The following LRP1B variants were observed in gnomAD, a reference collection of about 807,000 sequenced individuals.
LRP1B encodes the protein low-density lipoprotein receptor-related protein 1B.
LRP1B carries 217 observed loss-of-function variants against 556.6 expected under a neutral mutation model. That is an observed-to-expected ratio of 0.39 (90% CI 0.35 to 0.44). The LOEUF (loss-of-function observed/expected upper bound fraction) is 0.44. LRP1B is among the 20% of genes least tolerant of loss of function. The pLI, the probability that LRP1B is intolerant of heterozygous loss-of-function variation, is 1.00. For missense variants in LRP1B, 5,053 were observed against 5,620.8 expected (o/e 0.90, Z 3.23); for synonymous variants, 2,047 against 1,865.8 (o/e 1.10, Z -2.50).
intron 66 of LRP1B, among the ~76,000 whole-genome samples, chr2:140,390,383 A>G (rs940301808): frequency 6.6e-6 from 1 of 152,168 alleles, no homozygotes; most frequent in African/African-American, 2.4e-5. Context: ...TAAAACAAAT[A>G]TTGCTAAAAC....
At chr2:140,953,513 A>C (rs911844400) in intron 18 of LRP1B, among the ~76,000 whole-genome samples, 3 of 152,204 alleles carry the variant, frequency 2.0e-5, no homozygotes, top group Non-Finnish European at 2.9e-5. Flanking sequence ...AACGCAGAGA[A>C]TATTTGTAAA....
At chr2:140,707,098 T>C (rs1686866429) in intron 37 of LRP1B, among the ~76,000 whole-genome samples, 1 of 152,178 alleles carries the variant, frequency 6.6e-6, no homozygotes, top group African/African-American at 2.4e-5. Flanking sequence ...GGATTTAAAA[T>C]TCTCTTCTTT....
intron 59 of LRP1B, among the ~76,000 whole-genome samples, chr2:140,483,501 G>A (rs944909120): frequency 6.7e-6 from 1 of 148,448 alleles, no homozygotes; most frequent in Non-Finnish European, 1.5e-5. Flanking sequence ...TGAATAGCAT[G>A]AAATGAGAAG....
rs377028762 is a variant in LRP1B, at chr2:141,063,377, T to C, written c.1014-1104A>G. Among the ~76,000 whole-genome samples, 13 of 151,976 alleles carry C rather than the reference T, an allele frequency of 8.6e-5. 1 individual carries two copies. In the East Asian group the frequency reaches 1.9e-3, roughly 23 times the overall value. On this transcript the variant is annotated intron_variant, in intron 7 of 90. Coordinates refer to ENST00000389484, the MANE Select transcript of LRP1B (RefSeq NM_018557.3). ...TTAGTTCTCTCTGCTGTAGGAGACA[T>C]TGACTAATTTTTAAACATTAGTGCA...
chr2:140,627,589 T>C (rs1278445927), intron 41 of LRP1B, among the ~76,000 whole-genome samples: 5 of 152,226 alleles, frequency 3.3e-5, no homozygotes, highest in Non-Finnish European at 5.9e-5. Flanking sequence ...TCCTTGCTCC[T>C]TAGCTTGCAG....
chr2:141,437,465 C>T (rs772993875), intron 3 of LRP1B, among the ~76,000 whole-genome samples: 90 of 151,780 alleles, frequency 5.9e-4, no homozygotes, highest in Non-Finnish European at 2.8e-4. Context: ...ATATAAGAAC[C>T]GTATGTAAAG....
In LRP1B at chr2:140,855,493, G is replaced by GGGAAAAAAAAAAAAAAA. The variant is rs570169727; in HGVS notation, c.4580-3711_4580-3710insTTTTTTTTTTTTTTTCC. ...GACAGGTAGGTCCCATCTCTACTGGGAAAAAAAAAAAATTTGAATGGCTTC... is the reference window on the plus strand; with the variant it reads ...GACAGGTAGGTCCCATCTCTACTGGGGGAAAAAAAAAAAAAAAAAAAAAAAAAAATTTGAATGGCTTC... On this transcript the variant is annotated intron_variant, in intron 27 of 90. Transcript: ENST00000389484. Among the ~76,000 whole-genome samples, 53 of 99,410 alleles carry GGGAAAAAAAAAAAAAAA rather than the reference G, an allele frequency of 5.3e-4. 1 individual carries two copies. The highest frequency in any genetic ancestry group is 1.5e-3 in the African/African-American group (41 of 26,464). 65.2% of individuals were successfully genotyped at this position (99,410 alleles called of 152,430 possible).
chr2:140,951,362 G>A (rs1174986751), intron 19 of LRP1B, among the ~76,000 whole-genome samples: 1 of 152,088 alleles, frequency 6.6e-6, no homozygotes, highest in Non-Finnish European at 1.5e-5. Flanking sequence ...TAAAATAAAT[G>A]GCTGGGAATG....
At chr2:140,416,982 A>G (rs1443871561) in intron 66 of LRP1B, among the ~76,000 whole-genome samples, 1 of 152,184 alleles carries the variant, frequency 6.6e-6, no homozygotes, top group Non-Finnish European at 1.5e-5. Flanking sequence ...AGACTCTAGG[A>G]CTGTCAACAA....
At chr2:141,112,813 A>C (rs1700788465) in intron 7 of LRP1B, among the ~76,000 whole-genome samples, 1 of 152,228 alleles carries the variant, frequency 6.6e-6, no homozygotes, top group Non-Finnish European at 1.5e-5. Flanking sequence ...TGTATTTGAA[A>C]AAGGCAAATT....
Position 140,486,060 on chromosome 2 carries a change from CTGT to C in LRP1B, c.9244-539_9244-537del, listed in dbSNP as rs1299521470. 4.6e-5 allele frequency among the ~76,000 whole-genome samples: 7 copies of C among 151,960 alleles called. No individual in the cohort carries two copies. In the East Asian group the frequency reaches 1.4e-3, roughly 29 times the overall value. On this transcript the variant is annotated intron_variant, in intron 58 of 90. Coordinates refer to ENST00000389484, the MANE Select transcript of LRP1B (RefSeq NM_018557.3). ...AGGTAACAATGTACACATTCAGCTG[CTGT>C]TATCAATTTTAATCCATGAATATAC...
At chr2:140,546,028 G>GTGTA (rs1680325594) in intron 43 of LRP1B, among the ~76,000 whole-genome samples, 1 of 149,526 alleles carries the variant, frequency 6.7e-6, no homozygotes, top group African/African-American at 2.5e-5. Flanking sequence ...GTGTGTGTGT[G>GTGTA]TGTGTGTCTG....
At chr2:141,574,016 A>T (rs577820713) in intron 2 of LRP1B, among the ~76,000 whole-genome samples, 1 of 152,296 alleles carries the variant, frequency 6.6e-6, no homozygotes, top group Admixed American at 6.5e-5. Flanking sequence ...TACCAGAAGT[A>T]CAAAGAGGAG....
chr2:142,094,899 G>A (rs1241382841), intron 1 of LRP1B, among the ~76,000 whole-genome samples: 1 of 151,736 alleles, frequency 6.6e-6, no homozygotes, highest in Non-Finnish European at 1.5e-5. Flanking sequence ...GAAAATAGGA[G>A]AAAATAGTTC....
chr2:140,939,182 C>T (rs1228632934), intron 20 of LRP1B, among the ~76,000 whole-genome samples: 1 of 152,076 alleles, frequency 6.6e-6, no homozygotes, highest in African/African-American at 2.4e-5. Flanking sequence ...TTTTATTCAA[C>T]ATTTACTATG....
intron 43 of LRP1B, among the ~76,000 whole-genome samples, chr2:140,555,670 T>G (rs185578392): frequency 5.7e-4 from 87 of 152,234 alleles, no homozygotes; most frequent in African/African-American, 2.0e-3. Flanking sequence ...TTTTTTAAAG[T>G]GTTGCAAACT....
chr2:141,192,695 G>T (rs1681571062), intron 6 of LRP1B, among the ~76,000 whole-genome samples: 1 of 151,432 alleles, frequency 6.6e-6, no homozygotes, highest in South Asian at 2.1e-4. Flanking sequence ...TCAAAAGTTA[G>T]TGAGAAATTT....
intron 7 of LRP1B, among the ~76,000 whole-genome samples, chr2:141,178,385 C>T (rs1248512024): frequency 1.3e-5 from 2 of 152,076 alleles, no homozygotes; most frequent in African/African-American, 4.8e-5. Context: ...TGTGAGTTTC[C>T]CAGTCTTCCA....
chr2:140,456,504 T>G lies in LRP1B; in HGVS notation c.9914A>C (p.Tyr3305Ser), dbSNP rs2105321890. The change falls in exon 62 of 91, where the codon TAT (tyrosine) becomes TCT (serine). Residue 3305 changes from tyrosine to serine, a missense_variant. Around this residue, in one of 5 missense-constraint regions of LRP1B, gnomAD observed 262 missense variants for 395.1 expected, o/e 0.66. Coordinates refer to ENST00000389484, the MANE Select transcript of LRP1B (RefSeq NM_018557.3). ...THTCACPTNF[Y>S]LAADNRTCLS... ...GCAAGTCCTATTATCAGCTGCCAGA[T>G]AGAAGTTAGTGGGACATGCACAAGT... The G allele has an allele frequency of 6.2e-7, 1 of 1,613,430 alleles. No homozygotes were observed. Among genetic ancestry groups the G allele is most frequent in the Non-Finnish European group, 8.5e-7 (1 of 1,179,584 alleles).
Sources: gnomAD v4.1 joint callset for allele counts (sites outside exome capture counted in the v4.1 genomes callset) on GRCh38, gnomAD v4.1.1 for gene constraint, gnomAD v4.1.1 regional missense constraint, MANE v1.5 for transcripts, NCBI Gene and HGNC (gene_info 2026-07-23, HGNC 2026-07-21) for gene names.